The following ERMP1 variants were observed in gnomAD, a reference collection of about 807,000 sequenced individuals.
ERMP1 encodes the protein endoplasmic reticulum metallopeptidase 1.
A neutral mutation model predicts 92.0 loss-of-function variants in ERMP1; 86 were observed. The observed-to-expected ratio is 0.93, with a 90% confidence interval of 0.79 to 1.12. The LOEUF (loss-of-function observed/expected upper bound fraction) is 1.12. Ranked by LOEUF, ERMP1 falls within the 50% of genes most tolerant of loss-of-function variation. The probability of loss-of-function intolerance (pLI) is 0.00; values close to 1 mark genes in which losing one functional copy is unlikely to be tolerated. For missense variants in ERMP1, 1,342 were observed against 1,116.3 expected, an observed-to-expected ratio of 1.20 and a Z score of -2.88; for synonymous variants, 530 against 412.8, an observed-to-expected ratio of 1.28 and a Z score of -3.44.
chr9:5,798,910 T>G lies in ERMP1; in HGVS notation c.2166A>C (p.Ile722=), dbSNP rs771794195. 1 of 1,612,484 alleles carries G rather than the reference T, an allele frequency of 6.2e-7. No individual in the cohort carries two copies. Among genetic ancestry groups the G allele is most frequent in the South Asian group, 1.1e-5 (1 of 91,042 alleles). The change falls in exon 12 of 15, where the codon ATA becomes ATC. Residue 722 remains isoleucine (I), a synonymous_variant. Coordinates refer to ENST00000339450, the MANE Select transcript of ERMP1 (RefSeq NM_024896.3). The part of the protein sequence containing the change: ...NGFDYTGISH[I]TPHIPEINDS... ...CATTGATCTCAGGAATGTGAGGGGT[T>G]ATGTGAGAAATTCCAGTATAATCAA... is the stretch of plus-strand genomic sequence containing the variant.
upstream of ERMP1, among the ~76,000 whole-genome samples, chr9:5,835,948 G>A (rs1408239353): frequency 2.0e-5 from 3 of 152,208 alleles, no homozygotes; most frequent in African/African-American, 7.2e-5. Context: ...TCAAATCCCT[G>A]ATAAGGATGA....
At chr9:5,800,364 A>C (rs1828621630) in intron 11 of ERMP1, among the ~76,000 whole-genome samples, 1 of 152,162 alleles carries the variant, frequency 6.6e-6, no homozygotes, top group Non-Finnish European at 1.5e-5. Flanking sequence ...TTGAAGAAAA[A>C]GTTGAGATCT....
At position 5,784,745 on chromosome 9, in the gene ERMP1, T is replaced by C. The variant is rs1162614247; in HGVS notation, c.*2399A>G. The C allele has an allele frequency of 6.6e-6, 1 of 152,552 alleles. No homozygotes were observed. Among genetic ancestry groups the C allele is most frequent in the Non-Finnish European group, 1.5e-5 (1 of 68,048 alleles). 9.4% of individuals were successfully genotyped at this position (152,552 alleles called of 1,614,324 possible). On this transcript the variant is annotated 3_prime_UTR_variant, in exon 15 of 15. Coordinates refer to ENST00000339450, the MANE Select transcript of ERMP1 (RefSeq NM_024896.3). ...TAAGGAATCCTATCATGTTTGTTTA[T>C]ATATGCTAAACTGTAAAAACAAACA...
intron 6 of ERMP1, among the ~76,000 whole-genome samples, chr9:5,845,694 C>G (rs2129744428): frequency 6.6e-6 from 1 of 152,288 alleles, no homozygotes; most frequent in South Asian, 2.1e-4. Flanking sequence ...CTTGATCACA[C>G]CAAAGAGAGG....
chr9:5,811,348 A>G (rs1829085276), intron 6 of ERMP1, 25 bp from the exon 7 acceptor site: 3 of 1,510,718 alleles, frequency 2.0e-6, no homozygotes, highest in Middle Eastern at 1.8e-4. Flanking sequence ...AAAAAAAAAA[A>G]GAAAGAAAAG....
rs748590189 is a variant in ERMP1 at position 5,787,140 on chromosome 9, A to G, written c.*4T>C. 2 of 1,611,486 alleles carry G rather than the reference A, an allele frequency of 1.2e-6. No individual in the cohort carries two copies. The highest frequency in any genetic ancestry group is 1.7e-6 in the Non-Finnish European group (2 of 1,178,610). ...GGGCATGTACTTAGAGCTCATCCAC[A>G]AGATTAAAATACAAAGAGATCGTAG... On this transcript the variant is annotated 3_prime_UTR_variant, in exon 15 of 15. Transcript: ENST00000339450.
intron 2 of ERMP1, among the ~76,000 whole-genome samples, chr9:5,827,549 C>T (rs1829771671): frequency 6.6e-6 from 1 of 152,104 alleles, no homozygotes; most frequent in African/African-American, 2.4e-5. Flanking sequence ...AAGGGTATTC[C>T]TATAAAATTT....
At chr9:5,816,035 T>C (rs1168597579) in intron 4 of ERMP1, among the ~76,000 whole-genome samples, 12 of 152,126 alleles carry the variant, frequency 7.9e-5, no homozygotes, top group Admixed American at 2.6e-4. Context: ...TCTTAAAACT[T>C]AGGATAATAG....
intron 6 of ERMP1, among the ~76,000 whole-genome samples, chr9:5,859,233 G>T (rs929445988): frequency 6.6e-6 from 1 of 151,310 alleles, no homozygotes; most frequent in African/African-American, 2.4e-5. Context: ...GTTCTAAACA[G>T]GACTTAATGG....
chr9:5,809,319 C>T (rs1428273638), intron 8 of ERMP1, among the ~76,000 whole-genome samples: 2 of 152,212 alleles, frequency 1.3e-5, no homozygotes, highest in South Asian at 2.1e-4. Context: ...CGCGCCCGGC[C>T]AGCCCTAATT....
chr9:5,787,577 G>A lies in ERMP1; in HGVS notation c.2403C>T (p.Ser801=). The A allele has an allele frequency of 6.2e-7, 1 of 1,612,974 alleles. No individual in the cohort carries two copies. Among genetic ancestry groups the A allele is most frequent in the Non-Finnish European group, 8.5e-7 (1 of 1,179,636 alleles). Residue 801 remains serine, a synonymous_variant, in exon 14 of 15, where the codon TCC becomes TCT. Transcript: ENST00000339450. Reference sequence around the variant, plus strand: ...ACCCTTTGTGGGCTCGAACATAGAAGGACATATGGCTTGGTCCTGTAAGGT... The same window carrying A: ...ACCCTTTGTGGGCTCGAACATAGAAAGACATATGGCTTGGTCCTGTAAGGT... ...TFEATGPSHM[S]FYVRAHKGST... is the part of the protein sequence containing the mutation.
At chr9:5,846,403 G>A (rs913913965) in intron 6 of ERMP1, among the ~76,000 whole-genome samples, 4 of 152,164 alleles carry the variant, frequency 2.6e-5, no homozygotes, top group African/African-American at 9.7e-5. Context: ...CTCTGAGGCT[G>A]TTTCCTCATC....
intron 6 of ERMP1, among the ~76,000 whole-genome samples, chr9:5,857,279 C>G (rs1563784542): frequency 6.6e-6 from 1 of 152,254 alleles, no homozygotes; most frequent in African/African-American, 2.4e-5. Context: ...GCCTTGGCCT[C>G]CCAAAGTGCT....
chr9:5,809,420 C>G (rs1270364615), intron 8 of ERMP1, among the ~76,000 whole-genome samples: 1 of 152,194 alleles, frequency 6.6e-6, no homozygotes, highest in Non-Finnish European at 1.5e-5. Flanking sequence ...AACCCTATTT[C>G]CCTTCCCTCT....
chr9:5,787,131 C>A lies in ERMP1; in HGVS notation c.*13G>T. ...GTATCCACTGGGCATGTACTTAGAGCTCATCCACAAGATTAAAATACAAAG... is the reference window on the plus strand; with the variant it reads ...GTATCCACTGGGCATGTACTTAGAGATCATCCACAAGATTAAAATACAAAG... On this transcript the variant is annotated 3_prime_UTR_variant, in exon 15 of 15. Transcript: ENST00000339450. 1 of 1,608,750 alleles carries A rather than the reference C, an allele frequency of 6.2e-7. No individual in the cohort carries two copies. Among genetic ancestry groups the A allele is most frequent in the Non-Finnish European group, 8.5e-7 (1 of 1,177,286 alleles).
chr9:5,844,877 C>T (rs1830216209), intron 6 of ERMP1, among the ~76,000 whole-genome samples: 2 of 152,140 alleles, frequency 1.3e-5, no homozygotes, highest in African/African-American at 4.8e-5. Context: ...CAACAAATAC[C>T]ACATTCTTCC....
At position 5,811,122 on chromosome 9, in the gene ERMP1, G is replaced by A. The variant is rs749193439; in HGVS notation, c.1316C>T (p.Pro439Leu). 1.1e-5 allele frequency: 17 copies of A among 1,611,928 alleles called. No individual in the cohort carries two copies. The highest frequency in any genetic ancestry group is 1.6e-4 in the Middle Eastern group (1 of 6,078). Reference protein sequence around the residue: ...VLYLGKKFLQPKHKTGNYKKD... With the variant: ...VLYLGKKFLQLKHKTGNYKKD... ...AGGAAAATACTTACTCTTATGTTTG[G>A]GCTGCAAAAATTTTTTGCCCAGGTA... The change falls in exon 7 of 15, where the codon CCC (proline) becomes CTC (leucine). Residue 439 changes from proline (P) to leucine (L), a missense_variant. By Grantham distance (98) the Pro-to-Leu change is moderately conservative (BLOSUM62 -3). Transcript: ENST00000339450.
intron 8 of ERMP1, 72 bp downstream of exon 8, chr9:5,809,939 G>T (rs894304177): frequency 6.7e-5 from 72 of 1,076,530 alleles, no homozygotes; most frequent in Non-Finnish European, 9.5e-5. Flanking sequence ...CAAATACAAT[G>T]AATCACACTT....
intron 13 of ERMP1, among the ~76,000 whole-genome samples, chr9:5,789,187 T>C (rs899789346): frequency 6.6e-6 from 1 of 152,012 alleles, no homozygotes; most frequent in Non-Finnish European, 1.5e-5. Flanking sequence ...CCTTAGAATA[T>C]TAACACAGAA....
Sources: gnomAD v4.1 joint callset for allele counts (sites outside exome capture counted in the v4.1 genomes callset) on GRCh38, gnomAD v4.1.1 for gene constraint, MANE v1.5 for transcripts, NCBI Gene and HGNC (gene_info 2026-07-23, HGNC 2026-07-21) for gene names.